GBE1: variants seen among roughly 807,000 people sequenced by gnomAD.
The protein encoded by GBE1 is 1,4-alpha-glucan branching enzyme 1.
Under a neutral mutation model 88.8 loss-of-function variants are expected in GBE1, and 70 were observed. The observed-to-expected ratio is 0.79, with a 90% confidence interval of 0.65 to 0.96. GBE1 has a LOEUF of 0.96. GBE1 is among the 40% of genes least tolerant of loss of function. GBE1 has a pLI of 0.00. For synonymous variants in GBE1, 284 were observed against 300.1 expected, an observed-to-expected ratio of 0.95 and a Z score of 0.56; for missense variants, 872 against 871.0, an observed-to-expected ratio of 1.00 and a Z score of -0.01.
At chr3:81,688,293 C>A (rs1204491086) in intron 2 of GBE1, among the ~76,000 whole-genome samples, 1 of 152,222 alleles carries the variant, frequency 6.6e-6, no homozygotes, top group Non-Finnish European at 1.5e-5. Flanking sequence ...ATAGCACTTA[C>A]TAATTTGTCT....
chr3:81,590,733 T>C (rs1703865790), intron 9 of GBE1, among the ~76,000 whole-genome samples: 1 of 152,116 alleles, frequency 6.6e-6, no homozygotes. Flanking sequence ...TCAATTCTTT[T>C]CTCTGCTGAA....
chr3:81,705,030 A>G (rs1190666953), intron 2 of GBE1, among the ~76,000 whole-genome samples: 1 of 152,156 alleles, frequency 6.6e-6, no homozygotes, highest in East Asian at 1.9e-4. Context: ...CGAAAAGAGT[A>G]TAAGGCTATA....
At chr3:81,749,930 T>C (rs752010403) in intron 1 of GBE1, among the ~76,000 whole-genome samples, 61 of 152,362 alleles carry the variant, frequency 4.0e-4, no homozygotes, top group Non-Finnish European at 6.6e-4. Flanking sequence ...CTTATTTCTA[T>C]GTACTTCTTG....
rs935330869 is a variant in GBE1 at position 81,761,294 on chromosome 3, C to T, written c.143+81G>A. On this transcript the variant is annotated intron_variant, in intron 1 of 15. Coordinates refer to ENST00000429644, the MANE Select transcript of GBE1 (RefSeq NM_000158.4). ...TGGGGCGGGGTTGGCGCGCGAGGGC[C>T]GAGGGGCGGCCCGTGTCCCGAGACG... 29 of 1,506,568 alleles carry T rather than the reference C, an allele frequency of 1.9e-5. No homozygotes were observed. In the South Asian group the frequency reaches 3.2e-4, roughly 17 times the overall value. The allele number at this position is 1,506,568 out of a possible 1,614,324, so 93.3% of individuals were successfully genotyped here.
chr3:81,598,987 A>G (rs1422767259), intron 7 of GBE1, among the ~76,000 whole-genome samples: 1 of 152,152 alleles, frequency 6.6e-6, no homozygotes, highest in East Asian at 1.9e-4. Flanking sequence ...ATATCCATTA[A>G]CAAAATAAAG....
rs149896679 is a variant in GBE1 at position 81,563,058 on chromosome 3, G to A, written c.1618+14867C>T. On this transcript the variant is annotated intron_variant, in intron 12 of 15. Transcript: ENST00000429644. ...CACTCATCACTACGTTCTATGAGAT[G>A]ACAGCCATATAGCTCACCAGTTTGA... Among the ~76,000 whole-genome samples, 224 of 152,132 alleles carry A rather than the reference G, an allele frequency of 1.5e-3. 2 individuals carry two copies. The highest frequency in any genetic ancestry group is 5.2e-3 in the African/African-American group (216 of 41,526).
In GBE1 at chr3:81,552,243, C is replaced by T. The variant is rs564154348; in HGVS notation, c.1619-15148G>A. On this transcript the variant is annotated intron_variant, in intron 12 of 15. Coordinates refer to ENST00000429644, the MANE Select transcript of GBE1 (RefSeq NM_000158.4). Reference sequence around the variant, plus strand: ...AAGAAGGTTGTCAAAATAGGCTGGGCGTGGTGGCTCACGCCTGTAATCCCT... The same window carrying T: ...AAGAAGGTTGTCAAAATAGGCTGGGTGTGGTGGCTCACGCCTGTAATCCCT... Among the ~76,000 whole-genome samples, 9 of 152,250 alleles carry T rather than the reference C, an allele frequency of 5.9e-5. No individual in the cohort carries two copies. In the South Asian group the frequency reaches 1.2e-3, roughly 21 times the overall value.
At chr3:81,683,925 CTAA>C (rs1382445371) in intron 2 of GBE1, among the ~76,000 whole-genome samples, 1 of 152,038 alleles carries the variant, frequency 6.6e-6, no homozygotes, top group African/African-American at 2.4e-5. Context: ...CATCTCAAAA[CTAA>C]TGATATAGAA....
At chr3:81,633,014 A>G (rs868196859) in intron 7 of GBE1, among the ~76,000 whole-genome samples, 3 of 152,290 alleles carry the variant, frequency 2.0e-5, no homozygotes, top group Middle Eastern at 3.4e-3. Context: ...CAGTTCCACA[A>G]TTGTTCTGAA....
intron 1 of GBE1, among the ~76,000 whole-genome samples, chr3:81,746,308 G>A (rs1706419742): frequency 6.6e-6 from 1 of 152,080 alleles, no homozygotes; most frequent in African/African-American, 2.4e-5. Flanking sequence ...CTGTTACCCA[G>A]GGGGAGTGCA....
chr3:81,753,985 AG>A (rs917606682), intron 1 of GBE1, among the ~76,000 whole-genome samples: 3 of 152,220 alleles, frequency 2.0e-5, no homozygotes, highest in Admixed American at 6.5e-5. Flanking sequence ...ATACAGCTAA[AG>A]GGCATCAAAA....
intron 3 of GBE1, among the ~76,000 whole-genome samples, chr3:81,657,899 TAGAG>T (rs1192337969): frequency 4.6e-5 from 7 of 152,054 alleles, no homozygotes; most frequent in African/African-American, 1.7e-4. Context: ...GAGAGGTGGA[TAGAG>T]AGAGATTAAA....
At chr3:81,547,022 T>C (rs1456610963) in intron 12 of GBE1, among the ~76,000 whole-genome samples, 1 of 151,228 alleles carries the variant, frequency 6.6e-6, no homozygotes, top group Admixed American at 6.6e-5. Flanking sequence ...CAGTAACATC[T>C]TTCTGGCAGA....
chr3:81,747,880 G>A (rs996166349), intron 1 of GBE1, among the ~76,000 whole-genome samples: 4 of 151,702 alleles, frequency 2.6e-5, no homozygotes, highest in African/African-American at 7.3e-5. Flanking sequence ...ATCTCCCTTC[G>A]CTGACTCTCT....
chr3:81,513,569 A>C lies in GBE1; in HGVS notation c.1935-14342T>G, dbSNP rs559522737. On this transcript the variant is annotated intron_variant, in intron 14 of 15. Transcript: ENST00000429644. Reference sequence around the variant, plus strand: ...AAGGTGTTTATTGTTTTGTTCCCCCAAAAAAAAAACAAAAAACAAAAAGTA... The same window carrying C: ...AAGGTGTTTATTGTTTTGTTCCCCCCAAAAAAAAACAAAAAACAAAAAGTA... Among the ~76,000 whole-genome samples the C allele has an allele frequency of 6.2e-3, 889 of 144,258 alleles. 8 individuals carry two copies. Among genetic ancestry groups the C allele is most frequent in the South Asian group, 0.023 (105 of 4,600 alleles). The allele number at this position is 144,258 out of a possible 152,430, so 94.6% of individuals were successfully genotyped here.
chr3:81,493,046 T>C (rs191991432), intron 15 of GBE1, among the ~76,000 whole-genome samples: 8 of 152,280 alleles, frequency 5.3e-5, no homozygotes, highest in Non-Finnish European at 8.8e-5. Flanking sequence ...ATAGTCTACA[T>C]ATTTCATTTT....
chr3:81,648,859 G>T lies in GBE1; in HGVS notation c.688C>A (p.Leu230Ile). 1 of 1,506,500 alleles carries T rather than the reference G, an allele frequency of 6.6e-7. No individual in the cohort carries two copies. Among genetic ancestry groups the T allele is most frequent in the Non-Finnish European group, 8.9e-7 (1 of 1,123,670 alleles). The allele number at this position is 1,506,500 out of a possible 1,614,324, so 93.3% of individuals were successfully genotyped here. ...AAAAATCACAGTTATTACTTACCAA[G>T]GCCTTTGATTCTTGGTAGTACATTG... ...TCNVLPRIKG[L>I]GYNCIQLMAI... is the part of the protein sequence containing the mutation. The change falls in exon 5 of 16, where the codon CTT becomes ATT. Residue 230 changes from leucine (L) to isoleucine (I), a missense_variant. Coordinates refer to ENST00000429644, the MANE Select transcript of GBE1 (RefSeq NM_000158.4).
At chr3:81,515,768 T>C (rs566670414) in intron 14 of GBE1, among the ~76,000 whole-genome samples, 3 of 151,704 alleles carry the variant, frequency 2.0e-5, no homozygotes, top group East Asian at 1.9e-4. Flanking sequence ...GCATGAGTGA[T>C]AGGACAGTGA....
chr3:81,547,060 C>T (rs1703214874), intron 12 of GBE1, among the ~76,000 whole-genome samples: 2 of 151,064 alleles, frequency 1.3e-5, no homozygotes, highest in African/African-American at 2.4e-5. Context: ...CTAAAGAGAC[C>T]CCCAACCCAA....
Sources: allele counts gnomAD v4.1 joint callset (sites outside exome capture counted in the v4.1 genomes callset), GRCh38; gene constraint gnomAD v4.1.1; transcripts MANE v1.5; gene names NCBI Gene and HGNC (gene_info 2026-07-23, HGNC 2026-07-21).